PKD1L1: variants seen among roughly 807,000 people sequenced by gnomAD.
PKD1L1 encodes polycystin 1 like 1, transient receptor potential channel interacting, also known as polycystin-1-like protein 1.
A neutral mutation model predicts 323.4 loss-of-function variants in PKD1L1; 236 were observed. The ratio of observed to expected loss-of-function variants is 0.73; its 90% CI spans 0.66 to 0.81. PKD1L1 has a LOEUF of 0.81. Among genes scored for constraint, PKD1L1 ranks in the 40% least tolerant of loss-of-function variants. PKD1L1 has a pLI of 0.00. For missense variants in PKD1L1, 3,320 were observed against 3,508.0 expected (o/e 0.95, Z 1.35); for synonymous variants, 1,344 against 1,335.0 (o/e 1.01, Z -0.15).
intron 24 of PKD1L1, among the ~76,000 whole-genome samples, chr7:47,869,480 A>C (rs1786234398): frequency 6.6e-6 from 1 of 152,202 alleles, no homozygotes. Flanking sequence ...TCAGACAAAA[A>C]AGAAATTAGA....
intron 46 of PKD1L1, among the ~76,000 whole-genome samples, chr7:47,816,131 C>T (rs986566308): frequency 6.6e-6 from 1 of 152,208 alleles, no homozygotes; most frequent in Non-Finnish European, 1.5e-5. Context: ...AGACCCAGTC[C>T]TCTCTCTGCA....
chr7:47,809,307 G>C (rs1784845087), intron 51 of PKD1L1, 166 bp downstream of exon 51: 1 of 577,448 alleles, frequency 1.7e-6, no homozygotes, highest in Non-Finnish European at 3.0e-6. Flanking sequence ...AACACTAAAT[G>C]ATACCTGATC....
rs148069119 is a variant in PKD1L1, at chr7:47,902,714, G to T, written c.1932-203C>A. On this transcript the variant is annotated intron_variant, in intron 12 of 56. Coordinates refer to ENST00000289672, the MANE Select transcript of PKD1L1 (RefSeq NM_138295.5). ...ATTTAATCAACAGACTGGCTCCCCAGCTAGCCTGGGCCAGGCCAAGTACCA... is the reference window on the plus strand; with the variant it reads ...ATTTAATCAACAGACTGGCTCCCCATCTAGCCTGGGCCAGGCCAAGTACCA... Among the ~76,000 whole-genome samples the T allele has an allele frequency of 1.1e-3, 175 of 152,314 alleles. 1 individual carries two copies. Among genetic ancestry groups the T allele is most frequent in the African/African-American group, 4.0e-3 (167 of 41,566 alleles).
intron 8 of PKD1L1, among the ~76,000 whole-genome samples, chr7:47,910,142 T>A (rs1012750210): frequency 6.6e-6 from 1 of 152,178 alleles, no homozygotes; most frequent in Admixed American, 6.5e-5. Context: ...TAGATAGCCA[T>A]GCAGGTCATC....
intron 46 of PKD1L1, among the ~76,000 whole-genome samples, chr7:47,816,081 G>A (rs1253138298): frequency 2.0e-5 from 3 of 152,180 alleles, no homozygotes; most frequent in Non-Finnish European, 4.4e-5. Context: ...GGAGCGCCGG[G>A]GCTAGGGTAA....
intron 37 of PKD1L1, among the ~76,000 whole-genome samples, chr7:47,835,745 GA>G (rs542405370): frequency 6.6e-6 from 1 of 151,924 alleles, no homozygotes; most frequent in African/African-American, 2.4e-5. Context: ...TTCGTTCTAA[GA>G]AAAAAATAGA....
chr7:47,955,016 T>G, the PKD1L1 span, among the ~76,000 whole-genome samples: 1 of 152,216 alleles, frequency 6.6e-6, no homozygotes, highest in African/African-American at 2.4e-5. Flanking sequence ...TACTGTCCAG[T>G]GATTTGTGAA....
chr7:47,789,582 G>A (rs1439609881), intron 56 of PKD1L1, among the ~76,000 whole-genome samples: 2 of 152,068 alleles, frequency 1.3e-5, no homozygotes, highest in Non-Finnish European at 2.9e-5. Flanking sequence ...ATATTTGTGT[G>A]TGTTGTGAAT....
chr7:47,940,393 C>A, intron 2 of PKD1L1, 76 bp from the exon 3 acceptor site: 2 of 1,517,376 alleles, frequency 1.3e-6, no homozygotes, highest in South Asian at 1.2e-5. Flanking sequence ...GCTGGAGAAG[C>A]CCTAAGTTAT....
chr7:47,930,088 T>C (rs1209700020), intron 6 of PKD1L1, among the ~76,000 whole-genome samples: 1 of 152,210 alleles, frequency 6.6e-6, no homozygotes, highest in East Asian at 1.9e-4. Flanking sequence ...TGTTAAAAGC[T>C]GGTCTTGAGT....
Position 47,847,428 on chromosome 7 carries a change from C to T in PKD1L1, c.4961-357G>A, listed in dbSNP as rs147131850. Among the ~76,000 whole-genome samples, 248 of 152,314 alleles carry T rather than the reference C, an allele frequency of 1.6e-3. 3 individuals are homozygous for T. Among genetic ancestry groups the T allele is most frequent in the African/African-American group, 5.9e-3 (244 of 41,574 alleles). On this transcript the variant is annotated intron_variant, in intron 31 of 56. Coordinates refer to ENST00000289672, the MANE Select transcript of PKD1L1 (RefSeq NM_138295.5). ...AGGGTTGAGTCAGTTTCTTTAGCTG[C>T]CATTCAAGCCCACTTCCTGCTCCTC...
chr7:47,877,412 C>A, intron 22 of PKD1L1, 77 bp downstream of exon 22: 1 of 1,565,406 alleles, frequency 6.4e-7, no homozygotes, highest in Non-Finnish European at 8.7e-7. Context: ...TCCATTCCTA[C>A]AGCACCCGTG....
At chr7:47,923,997 A>G (rs1274357870) in intron 7 of PKD1L1, among the ~76,000 whole-genome samples, 1 of 152,156 alleles carries the variant, frequency 6.6e-6, no homozygotes, top group Non-Finnish European at 1.5e-5. Flanking sequence ...CTGCCTTTAC[A>G]TGATAAATTA....
At chr7:47,818,201 CAGATA>C (rs1294174502) in intron 46 of PKD1L1, 7 of 1,359,606 alleles carry the variant, frequency 5.1e-6, no homozygotes, top group Non-Finnish European at 6.9e-6. Flanking sequence ...ATAAGGTGAG[CAGATA>C]CATCTCTGCA....
intron 7 of PKD1L1, among the ~76,000 whole-genome samples, chr7:47,915,887 GAACT>G (rs1478902279): frequency 6.6e-6 from 1 of 152,048 alleles, no homozygotes; most frequent in African/African-American, 2.4e-5. Flanking sequence ...TAACTTGAAA[GAACT>G]AACTAGTGGA....
intron 3 of PKD1L1, among the ~76,000 whole-genome samples, chr7:47,939,911 GC>G (rs1410791012): frequency 6.6e-6 from 1 of 151,914 alleles, no homozygotes; most frequent in Non-Finnish European, 1.5e-5. Flanking sequence ...CTGCAGGGCA[GC>G]CCCCACTCCC....
At chr7:47,829,898 T>C in intron 43 of PKD1L1, 142 bp downstream of exon 43, 1 of 847,538 alleles carries the variant, frequency 1.2e-6, no homozygotes, top group Non-Finnish European at 1.9e-6. Flanking sequence ...GCACAGAGCC[T>C]GGCTCCTGGT....
At chr7:47,937,449 G>A (rs1787893728) in intron 3 of PKD1L1, among the ~76,000 whole-genome samples, 1 of 152,170 alleles carries the variant, frequency 6.6e-6, no homozygotes, top group South Asian at 2.1e-4. Context: ...GAGAGCACAG[G>A]AGGTGACCTC....
At chr7:47,805,939 G>A (rs991411186) in intron 52 of PKD1L1, among the ~76,000 whole-genome samples, 1 of 152,202 alleles carries the variant, frequency 6.6e-6, no homozygotes, top group African/African-American at 2.4e-5. Flanking sequence ...CTCAATACAT[G>A]TCAGCTCTTC....
Sources: gnomAD v4.1 joint callset for allele counts (sites outside exome capture counted in the v4.1 genomes callset) on GRCh38, gnomAD v4.1.1 for gene constraint, MANE v1.5 for transcripts, NCBI Gene and HGNC (gene_info 2026-07-23, HGNC 2026-07-21) for gene names.